The following MYH15 variants were observed in gnomAD, a reference collection of about 807,000 sequenced individuals.
MYH15 encodes the protein myosin heavy chain 15.
Under a neutral mutation model 240.5 loss-of-function variants are expected in MYH15, and 227 were observed. That is an observed-to-expected ratio of 0.94 (90% CI 0.85 to 1.05). MYH15 has a LOEUF of 1.05. MYH15 is among the 50% of genes least tolerant of loss of function. MYH15 has a pLI of 0.00. For missense variants in MYH15, 2,217 were observed against 2,247.5 expected (o/e 0.99, Z 0.27); for synonymous variants, 785 against 796.7 (o/e 0.99, Z 0.25).
At chr3:108,490,100 AC>A (rs1006939320) in intron 9 of MYH15, among the ~76,000 whole-genome samples, 14 of 152,156 alleles carry the variant, frequency 9.2e-5, no homozygotes, top group African/African-American at 3.4e-4. Flanking sequence ...ATCCAGAAAC[AC>A]ATGTCAAGAG....
At chr3:108,423,152 G>A (rs1425914680) in intron 27 of MYH15, among the ~76,000 whole-genome samples, 1 of 152,120 alleles carries the variant, frequency 6.6e-6, no homozygotes, top group Non-Finnish European at 1.5e-5. Context: ...TGAATCCCAG[G>A]TTCCACACAG....
chr3:108,525,125 G>T (rs1194230652), intron 1 of MYH15, among the ~76,000 whole-genome samples: 1 of 151,918 alleles, frequency 6.6e-6, no homozygotes, highest in Non-Finnish European at 1.5e-5. Context: ...CTAAAGATTG[G>T]GGGTTCCAAT....
intron 35 of MYH15, among the ~76,000 whole-genome samples, chr3:108,398,264 C>A (rs1227631884): frequency 6.6e-6 from 1 of 152,164 alleles, no homozygotes; most frequent in Non-Finnish European, 1.5e-5. Flanking sequence ...TAGAGTGATG[C>A]ATCCATAAGC....
intron 7 of MYH15, among the ~76,000 whole-genome samples, chr3:108,494,656 G>T (rs1004130258): frequency 4.6e-5 from 7 of 151,936 alleles, no homozygotes; most frequent in African/African-American, 1.7e-4. Flanking sequence ...ACCACTCCAG[G>T]CTAATATTTT....
chr3:108,450,863 C>A (rs2082967334), intron 21 of MYH15, among the ~76,000 whole-genome samples: 1 of 151,232 alleles, frequency 6.6e-6, no homozygotes, highest in Non-Finnish European at 1.5e-5. Flanking sequence ...AAAAAATAAA[C>A]ACAAAGAAAG....
In MYH15 at chr3:108,410,847, G is replaced by A; in HGVS notation, c.4231C>T (p.His1411Tyr). 6.2e-7 allele frequency: 1 copy of A among 1,613,976 alleles called. No individual in the cohort carries two copies. ...ARNASLERARHQLQLELGDAL... is the reference protein window; with the variant it reads ...ARNASLERARYQLQLELGDAL... Reference sequence around the variant, plus strand: ...TCCCCGAGCTCCAGCTGCAGCTGGTGCCTGGCTCTCTCCAAGGAGGCATTT... The same window carrying A: ...TCCCCGAGCTCCAGCTGCAGCTGGTACCTGGCTCTCTCCAAGGAGGCATTT... Residue 1411 changes from histidine to tyrosine, a missense_variant, in exon 31 of 41, where the codon CAC becomes TAC. Coordinates refer to ENST00000693548, the MANE Select transcript of MYH15 (RefSeq NM_014981.3).
chr3:108,541,384 T>C, the MYH15 span, among the ~76,000 whole-genome samples: 2 of 151,618 alleles, frequency 1.3e-5, no homozygotes, highest in Non-Finnish European at 2.9e-5. Flanking sequence ...TGACAGCTAA[T>C]TGAAAAAAAA....
chr3:108,521,406 A>T (rs1339079218), intron 1 of MYH15, among the ~76,000 whole-genome samples: 1 of 152,150 alleles, frequency 6.6e-6, no homozygotes, highest in Non-Finnish European at 1.5e-5. Flanking sequence ...TTAAAAAAAA[A>T]AAAGGAAACT....
chr3:108,505,583 C>A, intron 2 of MYH15, 140 bp downstream of exon 2: 1 of 425,122 alleles, frequency 2.4e-6, no homozygotes, highest in Non-Finnish European at 4.0e-6. Flanking sequence ...TAAGGAGGAG[C>A]TTCTTAAAAT....
At chr3:108,530,024 G>C (rs2083701806), upstream of MYH15, among the ~76,000 whole-genome samples, 2 of 152,166 alleles carry the variant, frequency 1.3e-5, no homozygotes, top group African/African-American at 4.8e-5. Context: ...AAATAAATTA[G>C]AAGAAAAGTC....
At chr3:108,469,865 G>A (rs994245695) in intron 14 of MYH15, among the ~76,000 whole-genome samples, 177 bp downstream of exon 14, 7 of 152,230 alleles carry the variant, frequency 4.6e-5, no homozygotes, top group Non-Finnish European at 7.3e-5. Context: ...ACTGACAAGA[G>A]AGTTTCGTTT....
chr3:108,452,289 T>C (rs964346467), intron 21 of MYH15, among the ~76,000 whole-genome samples: 1 of 152,100 alleles, frequency 6.6e-6, no homozygotes, highest in African/African-American at 2.4e-5. Flanking sequence ...TATCCACAAA[T>C]TGTTATCAGA....
chr3:108,471,583 T>C (rs911304063), intron 12 of MYH15, among the ~76,000 whole-genome samples: 3 of 152,138 alleles, frequency 2.0e-5, no homozygotes, highest in East Asian at 1.9e-4. Flanking sequence ...TTGATGTATA[T>C]GTTCTTGGCC....
chr3:108,423,823 T>C (rs1019344258), intron 27 of MYH15, among the ~76,000 whole-genome samples: 1 of 152,254 alleles, frequency 6.6e-6, no homozygotes, highest in Non-Finnish European at 1.5e-5. Flanking sequence ...AAATATTAGA[T>C]TTCTAAACAT....
chr3:108,542,642 C>G, the MYH15 span, among the ~76,000 whole-genome samples: 1 of 152,160 alleles, frequency 6.6e-6, no homozygotes, highest in Non-Finnish European at 1.5e-5. Context: ...CACAGATCAA[C>G]CCATCACATT....
rs753436833 is a variant in MYH15, at chr3:108,387,131, CCA to C, written c.5535+1837_5535+1838del. Among the ~76,000 whole-genome samples, 11 of 152,254 alleles carry C rather than the reference CCA, an allele frequency of 7.2e-5. No individual in the cohort carries two copies. The South Asian group carries it at 1.2e-3, about 17-fold the overall frequency. The stretch of plus-strand genomic sequence containing the variant: ...ACTCCTTTCCAGTAGCAGAATCTTC[CCA>C]GAGGACTTTTCCTAAGAAAATGATA... On this transcript the variant is annotated intron_variant, in intron 38 of 40. Coordinates refer to ENST00000693548, the MANE Select transcript of MYH15 (RefSeq NM_014981.3).
chr3:108,525,465 T>C (rs1257704015), intron 1 of MYH15, among the ~76,000 whole-genome samples: 1 of 152,098 alleles, frequency 6.6e-6, no homozygotes, highest in Non-Finnish European at 1.5e-5. Flanking sequence ...ACCCAGCACA[T>C]TGCATTGCTC....
intron 30 of MYH15, among the ~76,000 whole-genome samples, chr3:108,413,918 C>T (rs1438365736): frequency 2.0e-5 from 3 of 152,144 alleles, no homozygotes; most frequent in Admixed American, 2.0e-4. Context: ...TAAACGATAG[C>T]CTATTTTCAC....
At chr3:108,533,693 T>C (rs369821340), upstream of MYH15, among the ~76,000 whole-genome samples, 3 of 152,140 alleles carry the variant, frequency 2.0e-5, no homozygotes, top group East Asian at 1.9e-4. Context: ...CATGGAGGAA[T>C]TGGGGTTCTG....
Sources: allele counts gnomAD v4.1 joint callset (sites outside exome capture counted in the v4.1 genomes callset), GRCh38; gene constraint gnomAD v4.1.1; transcripts MANE v1.5; gene names NCBI Gene and HGNC (gene_info 2026-07-23, HGNC 2026-07-21).